Variants in C18orf63 observed in about 807,000 individuals in gnomAD.
C18orf63 encodes chromosome 18 open reading frame 63.
In C18orf63, 50 loss-of-function variants were observed where a neutral mutation model predicts 75.3. The observed-to-expected ratio is 0.66, with a 90% CI of 0.53 to 0.84. The LOEUF (loss-of-function observed/expected upper bound fraction) is 0.84. C18orf63 is among the 40% of genes least tolerant of loss of function. The pLI is 0.00. For synonymous variants in C18orf63, 232 were observed against 267.6 expected, an observed-to-expected ratio of 0.87 and a Z score of 1.30; for missense variants, 732 against 800.2, an observed-to-expected ratio of 0.91 and a Z score of 1.03.
intron 7 of C18orf63, among the ~76,000 whole-genome samples, chr18:74,332,735 C>T (rs1370750759): frequency 6.8e-6 from 1 of 148,090 alleles, no homozygotes; most frequent in African/African-American, 2.5e-5. Flanking sequence ...AAAAAAAAGG[C>T]TCCATCTCTC....
At chr18:74,326,730 A>C (rs1371592102) in intron 4 of C18orf63, among the ~76,000 whole-genome samples, 1 of 152,180 alleles carries the variant, frequency 6.6e-6, no homozygotes, top group Non-Finnish European at 1.5e-5. Flanking sequence ...ATATGTTGTG[A>C]ACTGTTATTT....
rs1488408831 is a variant in C18orf63 at position 74,353,947 on chromosome 18, T to C, written c.1680T>C (p.Ser560=). ...ATAACAATTTAGGGGTGGTAAAAAGTGCTGTTGACTTCCAAATGAAAGGAA... is the reference window on the plus strand; with the variant it reads ...ATAACAATTTAGGGGTGGTAAAAAGCGCTGTTGACTTCCAAATGAAAGGAA... ...VSNNNLGVVK[S]AVDFQMKGKE... is the part of the protein sequence containing the mutation. Residue 560 remains serine, a synonymous_variant, in exon 12 of 14, where the codon AGT becomes AGC. Transcript: ENST00000579455. 1.3e-6 allele frequency: 2 copies of C among 1,536,214 alleles called. No individual in the cohort carries two copies. Among genetic ancestry groups the C allele is most frequent in the Non-Finnish European group, 1.7e-6 (2 of 1,146,886 alleles).
At position 74,354,181 on chromosome 18, in the gene C18orf63, A is replaced by G; in HGVS notation, c.1914A>G (p.Arg638=). Reference sequence around the variant, plus strand: ...GCAAAATAGCCCACAGGTCTAAAAGAAAATTATGTCCAGAGTCTTCCAAAA... The same window carrying G: ...GCAAAATAGCCCACAGGTCTAAAAGGAAATTATGTCCAGAGTCTTCCAAAA... ...IVSKIAHRSK[R]KLCPESSKTS... is the part of the protein sequence containing the mutation. Residue 638 remains arginine (R), a synonymous_variant, in exon 12 of 14, where the codon AGA becomes AGG. Coordinates refer to ENST00000579455, the MANE Select transcript of C18orf63 (RefSeq NM_001174123.2). The G allele has an allele frequency of 1.3e-6, 2 of 1,536,414 alleles. No homozygotes were observed. The highest frequency in any genetic ancestry group is 8.7e-7 in the Non-Finnish European group (1 of 1,146,966).
Position 74,320,604 on chromosome 18 carries a change from A to G in C18orf63, c.213+13A>G. On this transcript the variant is annotated intron_variant, in intron 3 of 13. Transcript: ENST00000579455. ...GGTGGTGATGGCGGTTAGTATTTTAATATTTTGTGAAATGTTATTACTAGT... is the reference window on the plus strand; with the variant it reads ...GGTGGTGATGGCGGTTAGTATTTTAGTATTTTGTGAAATGTTATTACTAGT... The G allele has an allele frequency of 6.8e-7, 1 of 1,481,338 alleles. No homozygotes were observed. Among genetic ancestry groups the G allele is most frequent in the African/African-American group, 1.4e-5 (1 of 71,988 alleles). The allele number at this position is 1,481,338 out of a possible 1,614,324, so 91.8% of individuals were successfully genotyped here. A position where few individuals can be genotyped will look rare whatever the true frequency, so the allele number is the denominator to read the frequency against.
At chr18:74,336,870 C>T (rs1984400138) in intron 7 of C18orf63, among the ~76,000 whole-genome samples, 1 of 152,092 alleles carries the variant, frequency 6.6e-6, no homozygotes, top group African/African-American at 2.4e-5. Flanking sequence ...CCCTCTTTCT[C>T]ACTTTCTCTT....
intron 4 of C18orf63, among the ~76,000 whole-genome samples, chr18:74,323,212 C>T (rs781391902): frequency 6.6e-6 from 1 of 152,134 alleles, no homozygotes; most frequent in African/African-American, 2.4e-5. Context: ...AGTCATGAAG[C>T]CTTGACTAGA....
intron 11 of C18orf63, among the ~76,000 whole-genome samples, chr18:74,349,509 G>A (rs1027292229): frequency 2.0e-5 from 3 of 152,186 alleles, no homozygotes; most frequent in South Asian, 4.2e-4. Flanking sequence ...GAGCATTACC[G>A]CCTGAGCTCT....
chr18:74,328,902 G>T, intron 5 of C18orf63, 93 bp from the exon 6 acceptor site: 2 of 690,030 alleles, frequency 2.9e-6, no homozygotes, highest in South Asian at 3.7e-5. Context: ...ATTTTCTTTA[G>T]CTTTGATAAT....
Position 74,320,570 on chromosome 18 carries a change from C to A in C18orf63, c.192C>A (p.Asn64Lys). 1 of 1,532,724 alleles carries A rather than the reference C, an allele frequency of 6.5e-7. No homozygotes were observed. The highest frequency in any genetic ancestry group is 8.7e-7 in the Non-Finnish European group (1 of 1,144,622). 94.9% of individuals were successfully genotyped at this position (1,532,724 alleles called of 1,614,324 possible). A position where few individuals can be genotyped will look rare whatever the true frequency, so the allele number is the denominator to read the frequency against. The change falls in exon 3 of 14, where the codon AAC becomes AAA. Residue 64 changes from asparagine (N) to lysine (K), a missense_variant. By Grantham distance (94) the Asn-to-Lys change is moderately conservative (BLOSUM62 0). Coordinates refer to ENST00000579455, the MANE Select transcript of C18orf63 (RefSeq NM_001174123.2). ...CATCACCTGTGTCTGGAATATTAAA[C>A]CAAATCTGGGTGGTGATGGCGGTTA... ...ILTSPVSGIL[N>K]QIWVVMAIPF...
chr18:74,350,320 C>G (rs1445215948), intron 11 of C18orf63, among the ~76,000 whole-genome samples: 1 of 152,168 alleles, frequency 6.6e-6, no homozygotes, highest in Non-Finnish European at 1.5e-5. Flanking sequence ...CAGATACATA[C>G]ACTGAAATCC....
intron 10 of C18orf63, among the ~76,000 whole-genome samples, chr18:74,342,699 C>T (rs1984509012): frequency 6.6e-6 from 1 of 152,088 alleles, no homozygotes; most frequent in Non-Finnish European, 1.5e-5. Flanking sequence ...TAAACAAAAA[C>T]AAGATTTTTC....
intron 2 of C18orf63, among the ~76,000 whole-genome samples, chr18:74,319,600 C>T (rs748490438): frequency 1.5e-4 from 23 of 152,184 alleles, no homozygotes; most frequent in Non-Finnish European, 2.9e-4. Context: ...GTTGAAACCA[C>T]TACCCAGTTC....
chr18:74,329,141 C>A, intron 6 of C18orf63, 105 bp downstream of exon 6: 1 of 745,686 alleles, frequency 1.3e-6, no homozygotes, highest in Non-Finnish European at 2.2e-6. Context: ...GTAATCCCAA[C>A]GGTTTGGGAG....
intron 7 of C18orf63, among the ~76,000 whole-genome samples, chr18:74,332,503 G>T (rs899254922): frequency 2.0e-5 from 3 of 152,122 alleles, no homozygotes; most frequent in African/African-American, 7.2e-5. Flanking sequence ...AGGAGTATAA[G>T]ACCAGCCTGG....
intron 4 of C18orf63, among the ~76,000 whole-genome samples, chr18:74,324,732 A>G (rs1011754853): frequency 6.6e-6 from 1 of 152,222 alleles, no homozygotes; most frequent in African/African-American, 2.4e-5. Context: ...CCACCTTGTT[A>G]ATTCACACCT....
intron 4 of C18orf63, among the ~76,000 whole-genome samples, chr18:74,325,793 C>T (rs184154769): frequency 5.3e-5 from 8 of 152,182 alleles, no homozygotes; most frequent in African/African-American, 1.9e-4. Context: ...GCAGTTTTCC[C>T]TGCAATGGGA....
At position 74,353,778 on chromosome 18, in the gene C18orf63, A is replaced by T. The variant is rs1427579371; in HGVS notation, c.1511A>T (p.Asn504Ile). 2.0e-6 allele frequency: 3 copies of T among 1,536,024 alleles called. No homozygotes were observed. The highest frequency in any genetic ancestry group is 2.6e-6 in the Non-Finnish European group (3 of 1,146,870). The stretch of plus-strand genomic sequence containing the variant: ...CAGATGCAGGCTGCTAACAATTTAA[A>T]TCAGGAGAATTCCAGACCTCTGCAA... ...NIQMQAANNL[N>I]QENSRPLQEK... Residue 504 changes from asparagine to isoleucine, a missense_variant, in exon 12 of 14, where the codon AAT becomes ATT. Asn to Ile is a moderately radical substitution (Grantham distance 149). Around this residue, in one of 3 missense-constraint regions of C18orf63, gnomAD observed 495 missense variants for 508.7 expected, o/e 0.97. Transcript: ENST00000579455.
At chr18:74,316,820 A>G (rs1984034452) in intron 1 of C18orf63, among the ~76,000 whole-genome samples, 2 of 152,252 alleles carry the variant, frequency 1.3e-5, no homozygotes, top group Admixed American at 6.5e-5. Flanking sequence ...TTTGCCAACT[A>G]GGAACTCACA....
intron 12 of C18orf63, 41 bp downstream of exon 12, chr18:74,354,309 G>A (rs1984726705): frequency 6.9e-7 from 1 of 1,440,028 alleles, no homozygotes; most frequent in Non-Finnish European, 9.2e-7. Context: ...TCATATGCTA[G>A]ACCCTTAAAA....
Sources: allele counts gnomAD v4.1 joint callset (sites outside exome capture counted in the v4.1 genomes callset), GRCh38; gene constraint gnomAD v4.1.1; regional missense constraint gnomAD v4.1.1; transcripts MANE v1.5; gene names NCBI Gene and HGNC (gene_info 2026-07-23, HGNC 2026-07-21).